CACNB4: variants seen among roughly 807,000 people sequenced by gnomAD.
CACNB4 encodes calcium voltage-gated channel auxiliary subunit beta 4.
Under a neutral mutation model 71.2 loss-of-function variants are expected in CACNB4, and 32 were observed. The ratio of observed to expected loss-of-function variants is 0.45; its 90% CI spans 0.34 to 0.60. CACNB4 has a LOEUF of 0.60. Ranked by LOEUF, CACNB4 falls within the 20% of genes least tolerant of loss-of-function variation. CACNB4 has a pLI of 0.01. For synonymous variants in CACNB4, 231 were observed against 236.9 expected (o/e 0.97, Z 0.23); for missense variants, 464 against 647.9 (o/e 0.72, Z 3.08).
At chr2:151,973,764 G>A in intron 2 of CACNB4, 14 of 1,598,226 alleles carry the variant, frequency 8.8e-6, no homozygotes, top group Non-Finnish European at 1.2e-5. Context: ...CAAAATTGCT[G>A]CAGAAACCAC....
intron 2 of CACNB4, among the ~76,000 whole-genome samples, chr2:151,975,364 C>T (rs1167482809): frequency 6.6e-6 from 1 of 152,202 alleles, no homozygotes; most frequent in East Asian, 1.9e-4. Context: ...TCTGTGCTGA[C>T]CCGTTCATGT....
intron 5 of CACNB4, among the ~76,000 whole-genome samples, chr2:151,875,814 C>T (rs1374016951): frequency 7.1e-6 from 1 of 140,124 alleles, no homozygotes; most frequent in Non-Finnish European, 1.6e-5. Context: ...CCCCACCTCC[C>T]TCCCGGACGG....
At chr2:152,057,670 T>C (rs1296837046) in intron 2 of CACNB4, among the ~76,000 whole-genome samples, 1 of 152,108 alleles carries the variant, frequency 6.6e-6, no homozygotes, top group Non-Finnish European at 1.5e-5. Flanking sequence ...AAAATATGTA[T>C]ATACATACAC....
intron 2 of CACNB4, among the ~76,000 whole-genome samples, chr2:152,062,142 C>T (rs193166481): frequency 1.4e-3 from 207 of 151,584 alleles, no homozygotes; most frequent in African/African-American, 5.0e-3. Flanking sequence ...TTCTATGTAC[C>T]TTATTGTGAA....
rs189734862 is a variant in CACNB4, at chr2:152,004,264, C to T, written c.147+94066G>A. ...TCCCTCTGAATGAACCCCTGGCAAA[C>T]TCTCCTCTACCTACCCACTGCCCTG... On this transcript the variant is annotated intron_variant, in intron 2 of 13. Transcript: ENST00000539935. Among the ~76,000 whole-genome samples, 117 of 152,256 alleles carry T rather than the reference C, an allele frequency of 7.7e-4. 1 individual carries two copies. Among genetic ancestry groups the T allele is most frequent in the African/African-American group, 2.7e-3 (113 of 41,558 alleles).
intron 2 of CACNB4, among the ~76,000 whole-genome samples, chr2:152,079,238 G>A (rs1383491150): frequency 2.0e-5 from 3 of 151,880 alleles, no homozygotes; most frequent in Non-Finnish European, 2.9e-5. Context: ...ACAGGTACCC[G>A]CCACCACGCC....
intron 6 of CACNB4, chr2:151,871,175 G>A (rs1030950458): frequency 1.3e-5 from 5 of 392,832 alleles, no homozygotes; most frequent in South Asian, 8.7e-5. Flanking sequence ...GGTTGTTCCC[G>A]TGCTGGACAC....
chr2:151,888,445 T>C (rs2099849915), intron 2 of CACNB4, among the ~76,000 whole-genome samples: 1 of 151,980 alleles, frequency 6.6e-6, no homozygotes, highest in Non-Finnish European at 1.5e-5. Flanking sequence ...TGTGTACTTA[T>C]AGCCCCACTA....
At chr2:151,854,853 C>G (rs1293551743) in intron 11 of CACNB4, 3 of 164,082 alleles carry the variant, frequency 1.8e-5, no homozygotes. Context: ...TATAGATGTA[C>G]TCTCTCAACT....
At chr2:151,888,321 G>C (rs2099849885) in intron 2 of CACNB4, among the ~76,000 whole-genome samples, 1 of 152,160 alleles carries the variant, frequency 6.6e-6, no homozygotes, top group African/African-American at 2.4e-5. Context: ...CAGCACTTTG[G>C]GAGGCTGAGG....
At chr2:151,993,811 C>T (rs1049587323) in intron 2 of CACNB4, among the ~76,000 whole-genome samples, 3 of 151,370 alleles carry the variant, frequency 2.0e-5, no homozygotes, top group Non-Finnish European at 4.4e-5. Flanking sequence ...GATCCGCCCA[C>T]CTCGGCCTCC....
At chr2:152,080,152 C>A (rs1043689787) in intron 2 of CACNB4, among the ~76,000 whole-genome samples, 5 of 151,086 alleles carry the variant, frequency 3.3e-5, no homozygotes, top group African/African-American at 1.2e-4. Flanking sequence ...GGCGGAGTCT[C>A]GCTCTGTCGC....
At chr2:152,023,583 T>C (rs1242710522) in intron 2 of CACNB4, among the ~76,000 whole-genome samples, 1 of 151,872 alleles carries the variant, frequency 6.6e-6, no homozygotes, top group Non-Finnish European at 1.5e-5. Flanking sequence ...TACAGGCGCC[T>C]GCCACCACGC....
intron 2 of CACNB4, among the ~76,000 whole-genome samples, chr2:152,026,438 G>GACC (rs1683978635): frequency 1.3e-5 from 2 of 151,662 alleles, no homozygotes; most frequent in Non-Finnish European, 2.9e-5. Context: ...AGGCTGGAGT[G>GACC]CAGTGGTGCC....
At chr2:152,088,140 A>AACACACACACACACACACACAC (rs55688548) in intron 2 of CACNB4, among the ~76,000 whole-genome samples, 2 of 136,938 alleles carry the variant, frequency 1.5e-5, no homozygotes, top group African/African-American at 5.8e-5. Context: ...TTCCCCACTT[A>AACACACACACACACACACACAC]ACACACACAC....
intron 2 of CACNB4, among the ~76,000 whole-genome samples, chr2:151,991,933 A>G (rs1281420931): frequency 6.6e-6 from 1 of 152,208 alleles, no homozygotes; most frequent in Non-Finnish European, 1.5e-5. Context: ...AGGAAAAGTC[A>G]ATGAAGAATA....
At chr2:152,077,187 G>A (rs1231308003) in intron 2 of CACNB4, among the ~76,000 whole-genome samples, 1 of 152,190 alleles carries the variant, frequency 6.6e-6, no homozygotes, top group Admixed American at 6.5e-5. Flanking sequence ...TTGGGAGGCC[G>A]AGGTGGGTGG....
intron 2 of CACNB4, among the ~76,000 whole-genome samples, chr2:152,079,438 CA>C (rs1412745211): frequency 1.3e-5 from 2 of 151,844 alleles, no homozygotes; most frequent in Non-Finnish European, 2.9e-5. Context: ...ATTATTGCAA[CA>C]TCACCTAATG....
chr2:151,929,378 T>C (rs2099861065), intron 2 of CACNB4, among the ~76,000 whole-genome samples: 1 of 152,190 alleles, frequency 6.6e-6, no homozygotes, highest in South Asian at 2.1e-4. Flanking sequence ...CTATATGTAA[T>C]GTTCTCTGAT....
Sources: gnomAD v4.1 joint callset for allele counts (sites outside exome capture counted in the v4.1 genomes callset) on GRCh38, gnomAD v4.1.1 for gene constraint, MANE v1.5 for transcripts, NCBI Gene and HGNC (gene_info 2026-07-23, HGNC 2026-07-21) for gene names.